The following E2F8 variants were observed in gnomAD, a reference collection of about 807,000 sequenced individuals.
The protein encoded by E2F8 is E2F transcription factor 8.
In E2F8, 35 loss-of-function variants were observed where a neutral mutation model predicts 80.8. The ratio of observed to expected loss-of-function variants is 0.43; its 90% confidence interval spans 0.33 to 0.57. The LOEUF is 0.57. Ranked by LOEUF, E2F8 falls within the 20% of genes least tolerant of loss-of-function variation. E2F8 has a pLI of 0.04. For missense variants in E2F8, 975 were observed against 1,056.2 expected, an observed-to-expected ratio of 0.92 and a Z score of 1.07; for synonymous variants, 386 against 395.0, an observed-to-expected ratio of 0.98 and a Z score of 0.27.
At position 19,226,223 on chromosome 11, in the gene E2F8, T is replaced by C. The variant is rs143144920; in HGVS notation, c.1894-359A>G. 5.2e-4 allele frequency: 106 copies of C among 203,394 alleles called. 1 individual carries two copies. Among genetic ancestry groups the C allele is most frequent in the African/African-American group, 2.4e-3 (103 of 43,774 alleles). The allele number at this position is 203,394 out of a possible 1,614,324, so 12.6% of individuals were successfully genotyped here. A position where few individuals can be genotyped will look rare whatever the true frequency, so the allele number is the denominator to read the frequency against. On this transcript the variant is annotated intron_variant, in intron 10 of 12. Coordinates refer to ENST00000250024, the MANE Select transcript of E2F8 (RefSeq NM_024680.4). ...CTTGGTATGATGTAGTAGTAATTGA[T>C]TGTTCTTGAATTATGTAGAACGGTA...
At position 19,230,751 on chromosome 11, in the gene E2F8, A is replaced by G; in HGVS notation, c.1150T>C (p.Ser384Pro). 2 of 1,614,080 alleles carry G rather than the reference A, an allele frequency of 1.2e-6. No homozygotes were observed. The highest frequency in any genetic ancestry group is 1.7e-6 in the Non-Finnish European group (2 of 1,179,956). ...SKENCAKNLF[S>P]TRGKPNFTRH... The stretch of plus-strand genomic sequence containing the variant: ...GTAAAGTTTGGTTTCCCACGTGTGG[A>G]AAAGAGGTTTTTGGCACAGTTCTCT... The change falls in exon 8 of 13, where the codon TCC becomes CCC. Residue 384 changes from serine to proline, a missense_variant. Transcript: ENST00000250024.
chr11:19,232,483 A>G (rs542611708), intron 6 of E2F8, 112 bp from the exon 7 acceptor site: 1 of 817,440 alleles, frequency 1.2e-6, no homozygotes, highest in South Asian at 2.6e-5. Context: ...TCAATGTCAG[A>G]CAGAGAAACA....
chr11:19,232,051 A>G (rs10741765), intron 7 of E2F8, among the ~76,000 whole-genome samples, 183 bp downstream of exon 7: 40,505 of 152,150 alleles, frequency 0.27, 6,273 homozygotes, highest in East Asian at 0.54. Context: ...GCTGGAAGCC[A>G]TCATCCTCAG....
In E2F8 at chr11:19,225,766, G is replaced by A. The variant is rs1266373292; in HGVS notation, c.1992C>T (p.Ser664=). 4 of 1,614,062 alleles carry A rather than the reference G, an allele frequency of 2.5e-6. No individual in the cohort carries two copies. In the South Asian group the frequency reaches 3.3e-5, roughly 13 times the overall value. The change falls in exon 11 of 13, where the codon TCC becomes TCT. Residue 664 remains serine, a synonymous_variant. Coordinates refer to ENST00000250024, the MANE Select transcript of E2F8 (RefSeq NM_024680.4). ...GGGAGCTGTAAATCCTGTGGTTTGGGGAAAGAGCACTTGAGTTTTCTTTAC... is the reference window on the plus strand; with the variant it reads ...GGGAGCTGTAAATCCTGTGGTTTGGAGAAAGAGCACTTGAGTTTTCTTTAC... ...LSGKENSSAL[S]PNHRIYSSPI...
intron 2 of E2F8, among the ~76,000 whole-genome samples, chr11:19,238,693 G>T (rs139928302): frequency 0.016 from 2,467 of 152,306 alleles, 32 homozygotes; most frequent in Non-Finnish European, 0.026. Context: ...GATAGCATAT[G>T]GTCAGATTTA....
intron 6 of E2F8, 129 bp downstream of exon 6, chr11:19,234,231 A>T: frequency 1.0e-6 from 1 of 992,482 alleles, no homozygotes. Context: ...TTCTGGGGAG[A>T]AGATATAAAA....
At chr11:19,224,982 T>G (rs1331935092) in intron 12 of E2F8, 142 bp from the exon 13 acceptor site, 1 of 1,179,222 alleles carries the variant, frequency 8.5e-7, no homozygotes, top group Non-Finnish European at 1.2e-6. Flanking sequence ...GAAGCTTTGG[T>G]GAGTTTTACA....
Position 19,229,996 on chromosome 11 carries a change from A to ACAAGATTT in E2F8, c.1359-16_1359-9dup. On this transcript the variant is annotated splice_polypyrimidine_tract_variant and intron_variant, in intron 9 of 12. Transcript: ENST00000250024. The surrounding 1 kb of genome is among the most constrained non-coding windows in gnomAD (Gnocchi z 4.3). ...ACTTTCTGTCTGGATTCACTGAAAG[A>ACAAGATTT]CAAGATTTAATACACGACATGATGG... 1.9e-6 allele frequency: 3 copies of ACAAGATTT among 1,612,754 alleles called. No homozygotes were observed. Among genetic ancestry groups the ACAAGATTT allele is most frequent in the Non-Finnish European group, 2.5e-6 (3 of 1,179,892 alleles).
chr11:19,237,507 A>G (rs1488952786), intron 3 of E2F8, 37 bp from the exon 4 acceptor site: 1 of 1,596,830 alleles, frequency 6.3e-7, no homozygotes. Context: ...TTATTCTAAA[A>G]TAAAGTCTGA....
intron 8 of E2F8, 77 bp downstream of exon 8, chr11:19,230,552 TGC>T: frequency 2.0e-6 from 3 of 1,480,448 alleles, no homozygotes; most frequent in Non-Finnish European, 2.8e-6. Flanking sequence ...TGACAACTAT[TGC>T]AAGGATCAAG....
rs756864255 is a variant in E2F8 at position 19,234,355 on chromosome 11, C to T, written c.928+5G>A. The T allele has an allele frequency of 1.2e-6, 2 of 1,613,290 alleles. No individual in the cohort carries two copies. Among genetic ancestry groups the T allele is most frequent in the Non-Finnish European group, 1.7e-6 (2 of 1,179,778 alleles). ...TCAAAAATCCATGGCAGTCATGACACTTACTTTTAAACTTGCTTTTATCCA... is the reference window on the plus strand; with the variant it reads ...TCAAAAATCCATGGCAGTCATGACATTTACTTTTAAACTTGCTTTTATCCA... On this transcript the variant is annotated splice_donor_5th_base_variant and intron_variant, in intron 6 of 12. Coordinates refer to ENST00000250024, the MANE Select transcript of E2F8 (RefSeq NM_024680.4).
upstream of E2F8, among the ~76,000 whole-genome samples, chr11:19,241,190 G>T (rs1026354227): frequency 4.6e-5 from 7 of 152,224 alleles, no homozygotes; most frequent in African/African-American, 1.7e-4. The surrounding 1 kb of genome is among the most constrained non-coding windows in gnomAD (Gnocchi z 4.5). Flanking sequence ...AGCTGCGCGG[G>T]GCCTGAGCGC....
Position 19,237,621 on chromosome 11 carries a change from G to A in E2F8, c.295-151C>T. On this transcript the variant is annotated intron_variant, in intron 3 of 12. Coordinates refer to ENST00000250024, the MANE Select transcript of E2F8 (RefSeq NM_024680.4). ...ATGGGAGAAAAGGTTAGGGGGGCCAGTACAAAATGCTTGGCAAACCTGAAA... is the reference window on the plus strand; with the variant it reads ...ATGGGAGAAAAGGTTAGGGGGGCCAATACAAAATGCTTGGCAAACCTGAAA... 3.8e-6 allele frequency: 4 copies of A among 1,040,778 alleles called. No individual in the cohort carries two copies. In the South Asian group the frequency reaches 5.1e-5, roughly 13 times the overall value. 64.5% of individuals were successfully genotyped at this position (1,040,778 alleles called of 1,614,324 possible). A position where few individuals can be genotyped will look rare whatever the true frequency, so the allele number is the denominator to read the frequency against.
At chr11:19,232,096 A>G (rs1590126370) in intron 7 of E2F8, 138 bp downstream of exon 7, 1 of 1,241,822 alleles carries the variant, frequency 8.1e-7, no homozygotes, top group South Asian at 1.5e-5. Flanking sequence ...CAAACACTGC[A>G]TGTTCTCACT....
chr11:19,237,433 G>A lies in E2F8; in HGVS notation c.332C>T (p.Pro111Leu). 6.2e-7 allele frequency: 1 copy of A among 1,613,926 alleles called. No individual in the cohort carries two copies. The highest frequency in any genetic ancestry group is 8.5e-7 in the Non-Finnish European group (1 of 1,179,956). ...TCCTAAACTTTTCTCTTTTCGACTTGGTTGGGATTTCTCAAATTCATCTCC... is the reference window on the plus strand; with the variant it reads ...TCCTAAACTTTTCTCTTTTCGACTTAGTTGGGATTTCTCAAATTCATCTCC... Reference protein sequence around the residue: ...LSGDEFEKSQPSRKEKSLGLL... With the variant: ...LSGDEFEKSQLSRKEKSLGLL... The change falls in exon 4 of 13, where the codon CCA (proline) becomes CTA (leucine). Residue 111 changes from proline (P) to leucine (L), a missense_variant. Coordinates refer to ENST00000250024, the MANE Select transcript of E2F8 (RefSeq NM_024680.4).
chr11:19,227,444 C>T (rs1429397954), intron 10 of E2F8, among the ~76,000 whole-genome samples: 1 of 152,164 alleles, frequency 6.6e-6, no homozygotes, highest in East Asian at 1.9e-4. Context: ...TTCAGTAAAA[C>T]CCACAATAAT....
chr11:19,239,349 T>C (rs75271858), intron 2 of E2F8, among the ~76,000 whole-genome samples: 3,268 of 152,310 alleles, frequency 0.021, 114 homozygotes, highest in African/African-American at 0.075. Flanking sequence ...GCATCTGAGA[T>C]GTACTGATCT....
chr11:19,233,469 C>T (rs7108793), intron 6 of E2F8, among the ~76,000 whole-genome samples: 150,408 of 152,198 alleles, frequency 0.99, 74,341 homozygotes, highest in Middle Eastern at 1. Context: ...ATTTAGAGCT[C>T]ACACAGAACA....
In E2F8 at chr11:19,224,547, TC is replaced by T; in HGVS notation, c.*110del. The stretch of plus-strand genomic sequence containing the variant: ...ACTATCTGATTTCACATTGAACAAA[TC>T]CCCAACGTATTTACAGTATTTTCAG... On this transcript the variant is annotated 3_prime_UTR_variant, in exon 13 of 13. Coordinates refer to ENST00000250024, the MANE Select transcript of E2F8 (RefSeq NM_024680.4). 5 of 1,059,362 alleles carry T rather than the reference TC, an allele frequency of 4.7e-6. No individual in the cohort carries two copies. The highest frequency in any genetic ancestry group is 6.7e-6 in the Non-Finnish European group (5 of 741,724). The allele number at this position is 1,059,362 out of a possible 1,614,324, so 65.6% of individuals were successfully genotyped here. A position where few individuals can be genotyped will look rare whatever the true frequency, so the allele number is the denominator to read the frequency against.
Sources: gnomAD v4.1 joint callset for allele counts (sites outside exome capture counted in the v4.1 genomes callset) on GRCh38, gnomAD v4.1.1 for gene constraint, Gnocchi (gnomAD v3.1) non-coding constraint, MANE v1.5 for transcripts, NCBI Gene and HGNC (gene_info 2026-07-23, HGNC 2026-07-21) for gene names.